BEND6: variants seen among roughly 807,000 people sequenced by gnomAD.
BEND6 encodes BEN domain containing 6.
A neutral mutation model predicts 31.8 loss-of-function variants in BEND6; 24 were observed. The ratio of observed to expected loss-of-function variants is 0.75; its 90% CI spans 0.55 to 1.06. The LOEUF (loss-of-function observed/expected upper bound fraction) is 1.06, where lower values mean the gene tolerates loss of function less well. BEND6 is among the 50% of genes least tolerant of loss of function. BEND6 has a pLI of 0.00. For synonymous variants in BEND6, 109 were observed against 114.6 expected (o/e 0.95, Z 0.31); for missense variants, 294 against 327.4 (o/e 0.90, Z 0.79).
intron 2 of BEND6, among the ~76,000 whole-genome samples, chr6:56,991,498 A>C (rs530644161): frequency 1.3e-5 from 2 of 152,134 alleles, no homozygotes; most frequent in African/African-American, 4.8e-5. Context: ...GAATAGCTGG[A>C]CAACAGGCAT....
intron 1 of BEND6, among the ~76,000 whole-genome samples, chr6:56,958,951 A>G (rs1482755443): frequency 1.3e-5 from 2 of 152,198 alleles, no homozygotes; most frequent in Non-Finnish European, 2.9e-5. Context: ...GTTGTCTACA[A>G]TCTTTGCAGA....
Position 56,985,373 on chromosome 6 carries a change from T to A in BEND6, c.120+3443T>A, listed in dbSNP as rs377189314. Among the ~76,000 whole-genome samples, 20 of 152,284 alleles carry A rather than the reference T, an allele frequency of 1.3e-4. No homozygotes were observed. The South Asian group carries it at 3.7e-3, about 28-fold the overall frequency. On this transcript the variant is annotated intron_variant, in intron 2 of 6. Coordinates refer to ENST00000370746, the MANE Select transcript of BEND6 (RefSeq NM_152731.3). ...AATAGTAAGAGCAGTTTAGGGGTGC[T>A]ATGGCAGCTCCACATGTTGAGTGTC...
At chr6:56,996,319 T>C (rs9370552) in intron 3 of BEND6, among the ~76,000 whole-genome samples, 33,195 of 151,932 alleles carry the variant, frequency 0.22, 3,757 homozygotes, top group Middle Eastern at 0.23. Flanking sequence ...TGGTGTTGCG[T>C]GCCTATGGTC....
intron 3 of BEND6, among the ~76,000 whole-genome samples, chr6:57,007,166 G>A (rs1827188010): frequency 1.3e-5 from 2 of 152,068 alleles, no homozygotes; most frequent in South Asian, 4.2e-4. Context: ...GCACGCACCT[G>A]TGGTCTCAAC....
chr6:57,008,590 A>G (rs1055370736), intron 3 of BEND6: 1 of 192,930 alleles, frequency 5.2e-6, no homozygotes, highest in Non-Finnish European at 1.0e-5. Context: ...AAAAGAAAAA[A>G]AAATAGGCAA....
chr6:57,025,411 T>A (rs1339559542), intron 6 of BEND6, among the ~76,000 whole-genome samples: 1 of 152,224 alleles, frequency 6.6e-6, no homozygotes, highest in Non-Finnish European at 1.5e-5. Flanking sequence ...CCCAACTAGG[T>A]CACTGCCTCC....
At chr6:57,003,492 C>A (rs1827021021) in intron 3 of BEND6, among the ~76,000 whole-genome samples, 1 of 151,654 alleles carries the variant, frequency 6.6e-6, no homozygotes, top group Admixed American at 6.6e-5. Flanking sequence ...CAGAGTGAGA[C>A]CCTGTCTCAA....
intron 1 of BEND6, among the ~76,000 whole-genome samples, chr6:56,976,437 T>C (rs1362990827): frequency 6.6e-6 from 1 of 152,146 alleles, no homozygotes; most frequent in African/African-American, 2.4e-5. Context: ...CCTCAAGATC[T>C]GCCCATCTCA....
Position 57,017,371 on chromosome 6 carries a change from G to A in BEND6, c.684G>A (p.Met228Ile). Residue 228 changes from methionine (M) to isoleucine (I), a missense_variant, in exon 5 of 7, where the codon ATG becomes ATA. Met to Ile is a conservative substitution (Grantham distance 10). Transcript: ENST00000370746. ...GGGACAAAGCTGTAAAACCAGCTAT[G>A]AATCAGAATGAAGTCCAAGAAATCA... The part of the protein sequence containing the change: ...TSRDKAVKPA[M>I]NQNEVQEIIG... 1 of 1,366,492 alleles carries A rather than the reference G, an allele frequency of 7.3e-7. No individual in the cohort carries two copies. Among genetic ancestry groups the A allele is most frequent in the South Asian group, 2.3e-5 (1 of 44,282 alleles). 84.6% of individuals were successfully genotyped at this position (1,366,492 alleles called of 1,614,324 possible).
At chr6:56,998,210 A>G (rs1303019355) in intron 3 of BEND6, among the ~76,000 whole-genome samples, 1 of 152,160 alleles carries the variant, frequency 6.6e-6, no homozygotes, top group Admixed American at 6.5e-5. Flanking sequence ...TCTCTTGTAT[A>G]ATACTATTAA....
chr6:56,990,542 C>T (rs1032476545), intron 2 of BEND6, among the ~76,000 whole-genome samples: 3 of 152,106 alleles, frequency 2.0e-5, no homozygotes, highest in African/African-American at 4.8e-5. Flanking sequence ...CCACCATACC[C>T]GACCTCAGGC....
intron 6 of BEND6, among the ~76,000 whole-genome samples, chr6:57,023,677 C>G (rs900522992): frequency 9.9e-5 from 15 of 152,200 alleles, no homozygotes; most frequent in African/African-American, 3.6e-4. Context: ...GTGATCATGA[C>G]TCACTGCAGC....
At position 56,965,667 on chromosome 6, in the gene BEND6, C is replaced by A. The variant is rs538778476; in HGVS notation, c.-101+10207C>A. Among the ~76,000 whole-genome samples the A allele has an allele frequency of 7.4e-4, 92 of 125,160 alleles. 2 individuals are homozygous for A. In the East Asian group the frequency reaches 0.017, roughly 23 times the overall value. The allele number at this position is 125,160 out of a possible 152,430, so 82.1% of individuals were successfully genotyped here. On this transcript the variant is annotated intron_variant, in intron 1 of 6. Transcript: ENST00000370746. Reference sequence around the variant, plus strand: ...ACAAAGCGAGATCCTGTCACACACACAAAAAAATTTATATATATATATATA... The same window carrying A: ...ACAAAGCGAGATCCTGTCACACACAAAAAAAAATTTATATATATATATATA...
chr6:57,004,555 G>C (rs1047576657), intron 3 of BEND6: 1 of 849,016 alleles, frequency 1.2e-6, no homozygotes, highest in African/African-American at 1.7e-5. Context: ...GCCCCTCACA[G>C]GTGCGCCAGA....
intron 1 of BEND6, among the ~76,000 whole-genome samples, chr6:56,963,509 C>T (rs770828483): frequency 6.6e-6 from 1 of 152,170 alleles, no homozygotes; most frequent in Non-Finnish European, 1.5e-5. Flanking sequence ...AGAAGCTTAG[C>T]GGGGCCAAGC....
chr6:56,973,737 G>A (rs1328449685), intron 1 of BEND6, among the ~76,000 whole-genome samples: 3 of 152,108 alleles, frequency 2.0e-5, no homozygotes, highest in Non-Finnish European at 4.4e-5. Context: ...ACTTGGGATG[G>A]CATTCTTTTT....
chr6:57,025,543 G>A (rs1242676323), intron 6 of BEND6, among the ~76,000 whole-genome samples: 1 of 152,206 alleles, frequency 6.6e-6, no homozygotes, highest in East Asian at 1.9e-4. Context: ...TGAAAAGGCT[G>A]GCTAGGGATC....
At chr6:56,975,856 A>G (rs1255414139) in intron 1 of BEND6, 1 of 529,032 alleles carries the variant, frequency 1.9e-6, no homozygotes, top group South Asian at 1.5e-5. Context: ...TCTAATGCCT[A>G]TGTTCATCAG....
chr6:56,974,091 A>G (rs1825790310), intron 1 of BEND6, among the ~76,000 whole-genome samples: 3 of 152,164 alleles, frequency 2.0e-5, no homozygotes, highest in South Asian at 4.1e-4. Context: ...TTTCCCATTT[A>G]ATGTTTTCAG....
Sources: allele counts gnomAD v4.1 joint callset (sites outside exome capture counted in the v4.1 genomes callset), GRCh38; gene constraint gnomAD v4.1.1; transcripts MANE v1.5; gene names NCBI Gene and HGNC (gene_info 2026-07-23, HGNC 2026-07-21).